Variants in MRE11 observed in about 807,000 individuals in gnomAD.
MRE11 encodes double-strand break repair protein MRE11.
In MRE11, 62 loss-of-function variants were observed where a neutral mutation model predicts 91.7. The ratio of observed to expected loss-of-function variants is 0.68; its 90% CI spans 0.55 to 0.84. MRE11 has a LOEUF of 0.84. Among genes scored for constraint, MRE11 ranks in the 40% least tolerant of loss-of-function variants. The pLI is 0.00. For synonymous variants in MRE11, 273 were observed against 271.4 expected, an observed-to-expected ratio of 1.01 and a Z score of -0.06; for missense variants, 796 against 852.9, an observed-to-expected ratio of 0.93 and a Z score of 0.83.
chr11:94,495,880 A>C (rs1243315872), upstream of MRE11, among the ~76,000 whole-genome samples: 1 of 152,170 alleles, frequency 6.6e-6, no homozygotes, highest in Non-Finnish European at 1.5e-5. Flanking sequence ...GAAGACATGG[A>C]TCTTGCTCAT....
chr11:94,450,272 C>A (rs1946063988), intron 14 of MRE11, among the ~76,000 whole-genome samples: 1 of 152,132 alleles, frequency 6.6e-6, no homozygotes, highest in Admixed American at 6.5e-5. Context: ...AGCAATGATT[C>A]ACCATTTGCT....
At chr11:94,464,575 A>C (rs937733346) in intron 10 of MRE11, among the ~76,000 whole-genome samples, 1 of 150,382 alleles carries the variant, frequency 6.6e-6, no homozygotes, top group African/African-American at 2.5e-5. Flanking sequence ...TGAACTTTCA[A>C]AACAAACAAA....
intron 1 of MRE11, 133 bp downstream of exon 1, chr11:94,493,658 G>GGA (rs1947355449): frequency 1.3e-5 from 2 of 152,354 alleles, no homozygotes; most frequent in Admixed American, 1.3e-4. Flanking sequence ...TGCAGAAACA[G>GGA]GAGACGAATG....
At chr11:94,491,898 T>A (rs1039305549) in intron 2 of MRE11, among the ~76,000 whole-genome samples, 8 of 147,798 alleles carry the variant, frequency 5.4e-5, no homozygotes, top group African/African-American at 2.0e-4. Context: ...GTAGGTCAGA[T>A]ACTTTTCAAA....
At chr11:94,457,436 G>A (rs1000711490) in intron 13 of MRE11, among the ~76,000 whole-genome samples, 2 of 152,190 alleles carry the variant, frequency 1.3e-5, no homozygotes, top group Admixed American at 6.5e-5. Context: ...AAATGGGATC[G>A]AGAGTTTTGT....
At chr11:94,510,708 C>T in the MRE11 span, among the ~76,000 whole-genome samples, 1 of 152,188 alleles carries the variant, frequency 6.6e-6, no homozygotes, top group African/African-American at 2.4e-5. Flanking sequence ...GTTGCCATAA[C>T]TCACCCATCA....
chr11:94,445,091 A>G (rs992269917), intron 16 of MRE11, among the ~76,000 whole-genome samples: 9 of 152,114 alleles, frequency 5.9e-5, no homozygotes, highest in Admixed American at 5.2e-4. Flanking sequence ...GCCTAGCCAT[A>G]ATTTCTCTTA....
intron 14 of MRE11, among the ~76,000 whole-genome samples, chr11:94,450,071 A>G (rs1044063469): frequency 1.3e-5 from 2 of 152,318 alleles, no homozygotes; most frequent in African/African-American, 4.8e-5. Flanking sequence ...ACTTTTGGAG[A>G]AAAAATGTAT....
At chr11:94,431,322 G>C (rs1224311996) in intron 18 of MRE11, among the ~76,000 whole-genome samples, 1 of 152,190 alleles carries the variant, frequency 6.6e-6, no homozygotes, top group South Asian at 2.1e-4. Context: ...ACTCTGGTAA[G>C]TGGCAGAGCT....
chr11:94,493,851 C>T (rs1031017625), upstream of MRE11: 11 of 152,238 alleles, frequency 7.2e-5, no homozygotes, highest in African/African-American at 2.7e-4. Flanking sequence ...GTCCGTTTCT[C>T]TCGCGACACT....
chr11:94,422,991 G>A (rs1352266698), intron 19 of MRE11, among the ~76,000 whole-genome samples: 1 of 152,204 alleles, frequency 6.6e-6, no homozygotes, highest in Non-Finnish European at 1.5e-5. Flanking sequence ...GGGATTACAG[G>A]CATGAGCTAC....
intron 19 of MRE11, among the ~76,000 whole-genome samples, chr11:94,426,478 C>CA (rs1565200061): frequency 7.5e-5 from 9 of 119,888 alleles, no homozygotes; most frequent in African/African-American, 2.7e-4. Flanking sequence ...ATCAAATTAA[C>CA]AATTTAACAT....
At chr11:94,474,362 G>C (rs942387761) in intron 7 of MRE11, among the ~76,000 whole-genome samples, 9 of 152,082 alleles carry the variant, frequency 5.9e-5, no homozygotes, top group Admixed American at 4.6e-4. Flanking sequence ...AAAAGAGAAT[G>C]CAATGGTCAA....
At position 94,420,070 on chromosome 11, in the gene MRE11, TG is replaced by T. The variant is rs1379030723; in HGVS notation, c.*54del. The T allele has an allele frequency of 6.5e-6, 9 of 1,380,078 alleles. No homozygotes were observed. The East Asian group carries it at 1.8e-4, about 28-fold the overall frequency. The allele number at this position is 1,380,078 out of a possible 1,614,324, so 85.5% of individuals were successfully genotyped here. A position where few individuals can be genotyped will look rare whatever the true frequency, so the allele number is the denominator to read the frequency against. On this transcript the variant is annotated 3_prime_UTR_variant, in exon 20 of 20. Coordinates refer to ENST00000323929, the MANE Select transcript of MRE11 (RefSeq NM_005591.4). ...AATCTTAAACTGTAAACTCTTAGCTTGTAACATTTTCATTTTTCCTGTATCT... is the reference window on the plus strand; with the variant it reads ...AATCTTAAACTGTAAACTCTTAGCTTTAACATTTTCATTTTTCCTGTATCT...
In MRE11 at chr11:94,420,219, C is replaced by T. The variant is rs934923011; in HGVS notation, c.2071-38G>A. 3 of 1,513,560 alleles carry T rather than the reference C, an allele frequency of 2.0e-6. No homozygotes were observed. In the Admixed American group the frequency reaches 5.0e-5, roughly 25 times the overall value. 93.8% of individuals were successfully genotyped at this position (1,513,560 alleles called of 1,614,324 possible). ...ACAAATGTTGTATTAGTGATTGTTC[C>T]CTGCTTCACTGAAACAAGACAGAAG... is the stretch of plus-strand genomic sequence containing the variant. On this transcript the variant is annotated intron_variant, in intron 19 of 19. Transcript: ENST00000323929.
At chr11:94,432,565 T>C (rs998739919) in intron 18 of MRE11, among the ~76,000 whole-genome samples, 1 of 152,152 alleles carries the variant, frequency 6.6e-6, no homozygotes, top group African/African-American at 2.4e-5. Context: ...TCCCAGCACT[T>C]GGGAGGCCGA....
chr11:94,456,142 G>A (rs1946243082), intron 14 of MRE11, 134 bp downstream of exon 14: 2 of 723,392 alleles, frequency 2.8e-6, no homozygotes, highest in South Asian at 3.2e-5. Context: ...TCAACCAAAA[G>A]CAGCCATCCT....
chr11:94,446,390 G>C (rs1436197980), intron 15 of MRE11, among the ~76,000 whole-genome samples: 1 of 152,064 alleles, frequency 6.6e-6, no homozygotes, highest in Admixed American at 6.6e-5. Flanking sequence ...CTGGGCAACA[G>C]AGCAAAGACA....
chr11:94,478,597 A>G lies in MRE11; in HGVS notation c.544+138T>C. ...TTCACCAAAAATTTTTACCAAAACC[A>G]TCCATCATTTTTTATAGTCACCAAT... On this transcript the variant is annotated intron_variant, in intron 6 of 19. Transcript: ENST00000323929. The G allele has an allele frequency of 4.9e-6, 5 of 1,018,110 alleles. 1 individual carries two copies. In the South Asian group the frequency reaches 8.3e-5, roughly 17 times the overall value. The allele number at this position is 1,018,110 out of a possible 1,614,324, so 63.1% of individuals were successfully genotyped here. A position where few individuals can be genotyped will look rare whatever the true frequency, so the allele number is the denominator to read the frequency against.
Sources: gnomAD v4.1 joint callset for allele counts (sites outside exome capture counted in the v4.1 genomes callset) on GRCh38, gnomAD v4.1.1 for gene constraint, MANE v1.5 for transcripts, NCBI Gene and HGNC (gene_info 2026-07-23, HGNC 2026-07-21) for gene names.